CALN1: variants seen among roughly 807,000 people sequenced by gnomAD.
CALN1 encodes calneuron 1.
Under a neutral mutation model 30.6 loss-of-function variants are expected in CALN1, and 17 were observed. That is an observed-to-expected ratio of 0.56 (90% CI 0.38 to 0.83). The LOEUF (loss-of-function observed/expected upper bound fraction) is 0.83, where lower values mean the gene tolerates loss of function less well. Ranked by LOEUF, CALN1 falls within the 40% of genes least tolerant of loss-of-function variation. The probability of loss-of-function intolerance (pLI) is 0.00; values close to 1 mark genes in which losing one functional copy is unlikely to be tolerated. For synonymous variants in CALN1, 156 were observed against 131.4 expected (o/e 1.19, Z -1.28); for missense variants, 291 against 354.9 (o/e 0.82, Z 1.45).
intron 5 of CALN1, among the ~76,000 whole-genome samples, chr7:71,884,578 T>G (rs1342970031): frequency 1.3e-5 from 2 of 151,938 alleles, no homozygotes; most frequent in Non-Finnish European, 2.9e-5. Flanking sequence ...CTTTTAAAAA[T>G]AATACTGAGG....
At chr7:72,336,773 G>C in intron 2 of CALN1, 1 of 985,208 alleles carries the variant, frequency 1.0e-6, no homozygotes, top group Non-Finnish European at 1.2e-6. Flanking sequence ...GGCTTCCTCC[G>C]AGGCCCGCAG....
chr7:72,487,885 A>AAAGAAAG, the CALN1 span, among the ~76,000 whole-genome samples: 2 of 57,146 alleles, frequency 3.5e-5, no homozygotes, highest in Non-Finnish European at 6.3e-5. Flanking sequence ...AGAAAGAAAG[A>AAAGAAAG]AAAGAAAAGA....
intron 3 of CALN1, among the ~76,000 whole-genome samples, chr7:72,239,832 C>CA (rs1271879535): frequency 1.3e-5 from 2 of 152,184 alleles, no homozygotes; most frequent in African/African-American, 4.8e-5. Flanking sequence ...TTCGACTGTG[C>CA]ATTCCCTTAC....
chr7:71,958,546 G>C lies in CALN1; in HGVS notation c.501+65111C>G, dbSNP rs117156488. On this transcript the variant is annotated intron_variant, in intron 5 of 6. Transcript: ENST00000395275. ...CATGTGGTATATACAGTTCCTGGGA[G>C]AAGGGGAAGCTCATTTTCCTTTCCT... Among the ~76,000 whole-genome samples, 274 of 152,306 alleles carry C rather than the reference G, an allele frequency of 1.8e-3. 1 individual carries two copies. Among genetic ancestry groups the C allele is most frequent in the Non-Finnish European group, 3.1e-3 (209 of 68,030 alleles).
intron 5 of CALN1, among the ~76,000 whole-genome samples, chr7:71,958,048 A>G (rs1021498983): frequency 2.1e-5 from 3 of 144,944 alleles, no homozygotes; most frequent in Non-Finnish European, 3.0e-5. Flanking sequence ...CTAGGTGACA[A>G]GAGTGAAACT....
At chr7:72,264,172 C>T (rs908177468) in intron 3 of CALN1, among the ~76,000 whole-genome samples, 5 of 152,156 alleles carry the variant, frequency 3.3e-5, no homozygotes, top group African/African-American at 1.2e-4. Flanking sequence ...CCATTTTAGC[C>T]AGCATGTGAA....
intron 2 of CALN1, among the ~76,000 whole-genome samples, chr7:72,316,610 T>C (rs2129556859): frequency 6.6e-6 from 1 of 152,148 alleles, no homozygotes; most frequent in East Asian, 1.9e-4. Context: ...TCTTTAAAAG[T>C]TTAACCACAA....
At position 71,934,348 on chromosome 7, in the gene CALN1, T is replaced by C. The variant is rs966449365; in HGVS notation, c.501+89309A>G. On this transcript the variant is annotated intron_variant, in intron 5 of 6. Coordinates refer to ENST00000395275, the MANE Select transcript of CALN1 (RefSeq NM_031468.4). The stretch of plus-strand genomic sequence containing the variant: ...TCACTGGTATAGTCACTGATTATCT[T>C]AGTCTATTTTGCATTGTATAAGGAA... 2.6e-5 allele frequency among the ~76,000 whole-genome samples: 4 copies of C among 152,226 alleles called. No individual in the cohort carries two copies. The South Asian group carries it at 8.3e-4, about 32-fold the overall frequency.
intron 1 of CALN1, 145 bp from the exon 2 acceptor site, chr7:72,403,587 A>G: frequency 4.4e-6 from 2 of 455,164 alleles, no homozygotes; most frequent in Non-Finnish European, 7.8e-6. Flanking sequence ...AAGAAATATA[A>G]TTACAGTTGA....
At chr7:72,234,016 TAAACAAAC>T (rs374705383) in intron 3 of CALN1, among the ~76,000 whole-genome samples, 7 of 151,254 alleles carry the variant, frequency 4.6e-5, no homozygotes, top group African/African-American at 1.5e-4. Flanking sequence ...AATAAATAAA[TAAACAAAC>T]AAACAAACAA....
At chr7:72,001,233 T>C (rs934414492) in intron 5 of CALN1, among the ~76,000 whole-genome samples, 13 of 151,500 alleles carry the variant, frequency 8.6e-5, no homozygotes, top group Admixed American at 5.9e-4. Flanking sequence ...CAGTAATTGG[T>C]TGTAGCCAGC....
intron 4 of CALN1, among the ~76,000 whole-genome samples, chr7:72,062,222 A>G (rs1803703578): frequency 6.6e-6 from 1 of 152,232 alleles, no homozygotes; most frequent in Non-Finnish European, 1.5e-5. Context: ...AAAGAAATAA[A>G]ATGATACCAG....
rs150471009 is a variant in CALN1 at position 71,963,100 on chromosome 7, T to C, written c.501+60557A>G. 1.9e-3 allele frequency among the ~76,000 whole-genome samples: 296 copies of C among 152,330 alleles called. 1 individual carries two copies. Among genetic ancestry groups the C allele is most frequent in the Non-Finnish European group, 4.7e-4 (32 of 68,036 alleles). On this transcript the variant is annotated intron_variant, in intron 5 of 6. Transcript: ENST00000395275. ...GTAAACCTGGAAAGTTTACTCTTGC[T>C]AGTGTCACAAAATTAGGGTCACCTG...
At chr7:72,320,602 C>T (rs755275729) in intron 2 of CALN1, among the ~76,000 whole-genome samples, 40 of 151,944 alleles carry the variant, frequency 2.6e-4, no homozygotes, top group Non-Finnish European at 4.7e-4. Flanking sequence ...TGGGAGGCCG[C>T]GGTGGTCGGA....
At chr7:72,288,010 C>T (rs1798213222) in intron 2 of CALN1, among the ~76,000 whole-genome samples, 1 of 151,368 alleles carries the variant, frequency 6.6e-6, no homozygotes, top group Non-Finnish European at 1.5e-5. Context: ...AATAAATTAC[C>T]CCTGAACTTT....
intron 1 of CALN1, 38 bp from the exon 2 acceptor site, chr7:72,403,480 G>C (rs1806488194): frequency 1.3e-6 from 1 of 764,730 alleles, no homozygotes; most frequent in African/African-American, 1.7e-5. Context: ...CCTGCACAGT[G>C]CTGGGCGATT....
chr7:72,312,187 T>C (rs1041233118), intron 2 of CALN1, among the ~76,000 whole-genome samples: 2 of 152,096 alleles, frequency 1.3e-5, no homozygotes, highest in Admixed American at 6.5e-5. Flanking sequence ...GAGTATCACT[T>C]GATGTCAGGA....
In CALN1 at chr7:72,054,516, T is replaced by TAC. The variant is rs1444277420; in HGVS notation, c.389-30748_389-30747insGT. 2.2e-4 allele frequency among the ~76,000 whole-genome samples: 21 copies of TAC among 93,760 alleles called. 1 individual carries two copies. The highest frequency in any genetic ancestry group is 1.1e-3 in the African/African-American group (19 of 17,480). The allele number at this position is 93,760 out of a possible 152,430, so 61.5% of individuals were successfully genotyped here. On this transcript the variant is annotated intron_variant, in intron 4 of 6. Coordinates refer to ENST00000395275, the MANE Select transcript of CALN1 (RefSeq NM_031468.4). Reference sequence around the variant, plus strand: ...ACATATATACATATATATACATATATATACATATATACATACATATATATA... The same window carrying TAC: ...ACATATATACATATATATACATATATACATACATATATACATACATATATATA...
At chr7:72,095,933 G>A (rs1469429150) in intron 4 of CALN1, among the ~76,000 whole-genome samples, 1 of 152,106 alleles carries the variant, frequency 6.6e-6, no homozygotes, top group African/African-American at 2.4e-5. Flanking sequence ...CCAGCAACTC[G>A]GGAAGCTGAG....
Sources: gnomAD v4.1 joint callset for allele counts (sites outside exome capture counted in the v4.1 genomes callset) on GRCh38, gnomAD v4.1.1 for gene constraint, MANE v1.5 for transcripts, NCBI Gene and HGNC (gene_info 2026-07-23, HGNC 2026-07-21) for gene names.